The following GPAT4 variants were observed in gnomAD, a reference collection of about 807,000 sequenced individuals.
GPAT4 encodes 1-AGP acyltransferase 6.
GPAT4 carries 17 observed loss-of-function variants against 58.0 expected under a neutral mutation model. The ratio of observed to expected loss-of-function variants is 0.29; its 90% confidence interval spans 0.20 to 0.44. The LOEUF (loss-of-function observed/expected upper bound fraction) is 0.44, where lower values mean the gene tolerates loss of function less well. Ranked by LOEUF, GPAT4 falls within the 20% of genes least tolerant of loss-of-function variation. The pLI is 1.00. For missense variants in GPAT4, 377 were observed against 574.5 expected, an observed-to-expected ratio of 0.66 and a Z score of 3.51; for synonymous variants, 204 against 210.1, an observed-to-expected ratio of 0.97 and a Z score of 0.25.
chr8:41,607,388 T>C (rs2150499065), intron 2 of GPAT4, among the ~76,000 whole-genome samples: 1 of 152,316 alleles, frequency 6.6e-6, no homozygotes, highest in Non-Finnish European at 1.5e-5. Flanking sequence ...CCCTTTCCCA[T>C]GATCACAGAG....
intron 1 of GPAT4, among the ~76,000 whole-genome samples, chr8:41,595,382 A>T (rs1802903251): frequency 8.5e-6 from 1 of 118,260 alleles, no homozygotes; most frequent in Non-Finnish European, 1.6e-5. Flanking sequence ...CTGGTGAGGT[A>T]TGCTCACAAT....
intron 10 of GPAT4, among the ~76,000 whole-genome samples, chr8:41,617,343 G>A (rs28531965): frequency 0.019 from 2,904 of 152,182 alleles, 73 homozygotes; most frequent in African/African-American, 0.063. Context: ...CAGCCTGGGC[G>A]ACAGTGTGAG....
At chr8:41,610,853 C>G in intron 5 of GPAT4, 43 bp downstream of exon 5, 8 of 1,548,482 alleles carry the variant, frequency 5.2e-6, no homozygotes, top group Non-Finnish European at 7.0e-6. Context: ...ACAGTTAGTT[C>G]TGGGAATGGT....
intron 1 of GPAT4, among the ~76,000 whole-genome samples, chr8:41,596,634 C>G (rs1802940848): frequency 6.6e-6 from 1 of 152,222 alleles, no homozygotes; most frequent in African/African-American, 2.4e-5. Flanking sequence ...CAGGAGCGCT[C>G]TTTGGATCCA....
At chr8:41,615,581 C>A (rs1023498331) in intron 10 of GPAT4, among the ~76,000 whole-genome samples, 1 of 152,040 alleles carries the variant, frequency 6.6e-6, no homozygotes, top group African/African-American at 2.4e-5. Context: ...CTACGTCGAC[C>A]CTTTAGGAAC....
At chr8:41,582,351 T>G (rs1334612819) in intron 1 of GPAT4, among the ~76,000 whole-genome samples, 1 of 152,022 alleles carries the variant, frequency 6.6e-6, no homozygotes, top group East Asian at 1.9e-4. Flanking sequence ...CAGTAAGAGT[T>G]GCACCTAGAA....
intron 1 of GPAT4, among the ~76,000 whole-genome samples, chr8:41,592,084 A>G (rs1322470444): frequency 1.3e-5 from 2 of 152,226 alleles, no homozygotes; most frequent in African/African-American, 4.8e-5. Flanking sequence ...TTAGGGGGCC[A>G]TTTATCATCT....
intron 8 of GPAT4, among the ~76,000 whole-genome samples, 184 bp downstream of exon 8, chr8:41,613,144 C>A (rs577221050): frequency 2.6e-5 from 4 of 152,104 alleles, no homozygotes; most frequent in Non-Finnish European, 5.9e-5. Flanking sequence ...TGCCTGTAAT[C>A]CCAGCAGTTT....
At chr8:41,581,566 C>T (rs1435102723) in intron 1 of GPAT4, among the ~76,000 whole-genome samples, 1 of 152,016 alleles carries the variant, frequency 6.6e-6, no homozygotes, top group African/African-American at 2.4e-5. Context: ...GTCCTCCCGC[C>T]TCAGCCTCCC....
At chr8:41,591,082 T>C (rs148852486) in intron 1 of GPAT4, among the ~76,000 whole-genome samples, 96 of 152,218 alleles carry the variant, frequency 6.3e-4, no homozygotes, top group African/African-American at 2.2e-3. Flanking sequence ...TTTTAAGGGC[T>C]TACAACTCTA....
intron 1 of GPAT4, among the ~76,000 whole-genome samples, chr8:41,585,811 G>A (rs1423632269): frequency 6.6e-6 from 1 of 152,142 alleles, no homozygotes; most frequent in Non-Finnish European, 1.5e-5. Context: ...AAAGACGTAA[G>A]GACAAAAAAC....
chr8:41,616,929 AGTGTGTC>A (rs1432377754), intron 10 of GPAT4, among the ~76,000 whole-genome samples: 1 of 152,042 alleles, frequency 6.6e-6, no homozygotes, highest in African/African-American at 2.4e-5. Context: ...TGATGTGAGG[AGTGTGTC>A]GCTGTGTTGA....
At chr8:41,612,375 G>GAA in intron 7 of GPAT4, 102 bp downstream of exon 7, 13 of 1,150,292 alleles carry the variant, frequency 1.1e-5, no homozygotes, top group African/African-American at 1.5e-5. Context: ...ATTTATGCGT[G>GAA]GGCCAGGCCC....
chr8:41,592,407 T>C (rs561527833), intron 1 of GPAT4, among the ~76,000 whole-genome samples: 3 of 152,368 alleles, frequency 2.0e-5, no homozygotes, highest in Non-Finnish European at 2.9e-5. Flanking sequence ...GGTACCAATA[T>C]ACAGTTTCTG....
intron 1 of GPAT4, among the ~76,000 whole-genome samples, chr8:41,588,334 A>G (rs1802705816): frequency 6.6e-6 from 1 of 152,220 alleles, no homozygotes; most frequent in Non-Finnish European, 1.5e-5. Context: ...GATGTGTCAC[A>G]GAGAGCCGAC....
chr8:41,621,284 C>A lies in GPAT4; in HGVS notation c.*283C>A. On this transcript the variant is annotated 3_prime_UTR_variant, in exon 13 of 13. Coordinates refer to ENST00000396987, the MANE Select transcript of GPAT4 (RefSeq NM_178819.4). ...GTTGGAGGAATGCCATTAAAGTGAA[C>A]TCCCCACCTTTGCACGCTGTGCGGG... 2.2e-6 allele frequency: 1 copy of A among 448,778 alleles called. No individual in the cohort carries two copies. Among genetic ancestry groups the A allele is most frequent in the South Asian group, 2.5e-5 (1 of 39,700 alleles). 27.8% of individuals were successfully genotyped at this position (448,778 alleles called of 1,614,324 possible).
rs147921179 is a variant in GPAT4, at chr8:41,614,585, G to A, written c.967+144G>A. 2.2e-3 allele frequency: 1,796 copies of A among 822,718 alleles called. 3 individuals are homozygous for A. The highest frequency in any genetic ancestry group is 3.1e-3 in the Admixed American group (118 of 38,028). The allele number at this position is 822,718 out of a possible 1,614,324, so 51.0% of individuals were successfully genotyped here. A position where few individuals can be genotyped will look rare whatever the true frequency, so the allele number is the denominator to read the frequency against. ...ATGTTAGGTCCCCTTTAGGTTGGAAGTAGGACTAAAAACTCAGGTAAGTTC... is the reference window on the plus strand; with the variant it reads ...ATGTTAGGTCCCCTTTAGGTTGGAAATAGGACTAAAAACTCAGGTAAGTTC... On this transcript the variant is annotated intron_variant, in intron 9 of 12. Transcript: ENST00000396987.
chr8:41,607,971 T>C (rs895002983), intron 2 of GPAT4, among the ~76,000 whole-genome samples: 1 of 152,342 alleles, frequency 6.6e-6, no homozygotes, highest in African/African-American at 2.4e-5. Context: ...TCACCTCTTC[T>C]CTAGTTCCAG....
intron 1 of GPAT4, among the ~76,000 whole-genome samples, chr8:41,580,191 T>C (rs1008030084): frequency 6.6e-6 from 1 of 152,216 alleles, no homozygotes; most frequent in Non-Finnish European, 1.5e-5. Context: ...AGACGAGAAG[T>C]TCTGATAATA....
Sources: gnomAD v4.1 joint callset for allele counts (sites outside exome capture counted in the v4.1 genomes callset) on GRCh38, gnomAD v4.1.1 for gene constraint, MANE v1.5 for transcripts, NCBI Gene and HGNC (gene_info 2026-07-23, HGNC 2026-07-21) for gene names.